The following ABCA12 variants were observed in gnomAD, a reference collection of about 807,000 sequenced individuals.
The protein encoded by ABCA12 is ATP binding cassette subfamily A member 12.
Under a neutral mutation model 293.5 loss-of-function variants are expected in ABCA12, and 156 were observed. The ratio of observed to expected loss-of-function variants is 0.53; its 90% CI spans 0.47 to 0.61. The LOEUF (loss-of-function observed/expected upper bound fraction) is 0.61, where lower values mean the gene tolerates loss of function less well. Among genes scored for constraint, ABCA12 ranks in the 20% least tolerant of loss-of-function variants. The probability of loss-of-function intolerance (pLI) is 0.00; values close to 1 mark genes in which losing one functional copy is unlikely to be tolerated. For synonymous variants in ABCA12, 1,063 were observed against 1,108.0 expected (o/e 0.96, Z 0.81); for missense variants, 2,797 against 3,090.2 (o/e 0.91, Z 2.25).
intron 2 of ABCA12, among the ~76,000 whole-genome samples, chr2:215,082,019 T>C (rs1442789711): frequency 6.6e-6 from 1 of 151,218 alleles, no homozygotes; most frequent in Non-Finnish European, 1.5e-5. Context: ...TGCAGTTACA[T>C]ATTATTTACT....
intron 2 of ABCA12, among the ~76,000 whole-genome samples, chr2:215,090,023 C>T (rs946385852): frequency 5.3e-5 from 8 of 152,074 alleles, no homozygotes; most frequent in Admixed American, 3.3e-4. Flanking sequence ...TGAAAATGGC[C>T]GGTTCCTGCC....
chr2:215,092,688 A>G (rs1477520550), intron 2 of ABCA12, among the ~76,000 whole-genome samples: 2 of 152,180 alleles, frequency 1.3e-5, no homozygotes, highest in Non-Finnish European at 2.9e-5. Context: ...CTACCTGTCC[A>G]AAAACTGGAC....
intron 23 of ABCA12, among the ~76,000 whole-genome samples, chr2:214,994,703 AT>A (rs982764696): frequency 6.6e-6 from 1 of 152,198 alleles, no homozygotes; most frequent in Non-Finnish European, 1.5e-5. Context: ...TACTGGAAAC[AT>A]TTCAAATTCC....
At chr2:215,008,177 A>G (rs775971206) in intron 18 of ABCA12, among the ~76,000 whole-genome samples, 1 of 152,190 alleles carries the variant, frequency 6.6e-6, no homozygotes, top group Non-Finnish European at 1.5e-5. Flanking sequence ...TTAAAGAAAC[A>G]TCCTAGTTCG....
chr2:214,967,092 G>T lies in ABCA12; in HGVS notation c.5779-139C>A. 7.6e-6 allele frequency: 6 copies of T among 792,098 alleles called. No homozygotes were observed. The South Asian group carries it at 7.8e-5, about 10-fold the overall frequency. 49.1% of individuals were successfully genotyped at this position (792,098 alleles called of 1,614,324 possible). A position where few individuals can be genotyped will look rare whatever the true frequency, so the allele number is the denominator to read the frequency against. On this transcript the variant is annotated intron_variant, in intron 38 of 52. Coordinates refer to ENST00000272895, the MANE Select transcript of ABCA12 (RefSeq NM_173076.3). ...AATTTATTTTATCTTGGAAGATTAT[G>T]CACTGTTCTCTAGAGTACTGACCAT...
chr2:215,021,469 A>G (rs1241735224), intron 11 of ABCA12, among the ~76,000 whole-genome samples: 2 of 152,188 alleles, frequency 1.3e-5, no homozygotes, highest in African/African-American at 2.4e-5. Flanking sequence ...ACTGTGTTCT[A>G]TGTGTTCTGA....
Position 215,018,017 on chromosome 2 carries a change from A to G in ABCA12, c.1773T>C (p.Asn591=), listed in dbSNP as rs1395284340. The G allele has an allele frequency of 1.9e-6, 3 of 1,614,128 alleles. No individual in the cohort carries two copies. The highest frequency in any genetic ancestry group is 2.2e-5 in the South Asian group (2 of 91,084). Residue 591 remains asparagine, a synonymous_variant, in exon 14 of 53, where the codon AAT becomes AAC. Coordinates refer to ENST00000272895, the MANE Select transcript of ABCA12 (RefSeq NM_173076.3). ...DKLLAIPIPD[N]RAEIISQVFW... ...ACACATGACACCCCACCTCAGCTCT[A>G]TTATCAGGGATGGGAATGGCCAGCA...
intron 4 of ABCA12, among the ~76,000 whole-genome samples, chr2:215,054,065 C>T (rs1433037256): frequency 1.3e-5 from 2 of 152,036 alleles, no homozygotes; most frequent in Admixed American, 6.6e-5. Context: ...GACTGTGATA[C>T]TAAGCCTTAA....
At chr2:214,979,125 G>A in intron 31 of ABCA12, 85 bp from the exon 32 acceptor site, 1 of 1,181,394 alleles carries the variant, frequency 8.5e-7, no homozygotes, top group Non-Finnish European at 1.3e-6. Flanking sequence ...GAGGTGATGA[G>A]CTCTTTTAGG....
At chr2:215,127,099 T>C (rs181125829) in intron 1 of ABCA12, among the ~76,000 whole-genome samples, 2 of 152,322 alleles carry the variant, frequency 1.3e-5, no homozygotes, top group East Asian at 3.9e-4. Context: ...GTTTGCATGG[T>C]TGTGAAGGCT....
In ABCA12 at chr2:214,974,868, C is replaced by G. The variant is rs776864319; in HGVS notation, c.5382-4G>C. 1 of 1,612,746 alleles carries G rather than the reference C, an allele frequency of 6.2e-7. No homozygotes were observed. Among genetic ancestry groups the G allele is most frequent in the South Asian group, 1.1e-5 (1 of 91,044 alleles). On this transcript the variant is annotated splice_polypyrimidine_tract_variant and splice_region_variant and intron_variant, in intron 34 of 52. Transcript: ENST00000272895. ...TTCCGTGCTCGGGTGATAATTACTG[C>G]AATATGAAAGGACAGAAACAAATTC...
chr2:214,981,956 TA>T (rs1559128638), intron 30 of ABCA12, among the ~76,000 whole-genome samples: 3,072 of 132,566 alleles, frequency 0.023, 121 homozygotes, highest in Admixed American at 0.05. Context: ...TTATTATTAT[TA>T]TTATTATTAT....
At chr2:214,970,132 T>C (rs1347238361) in intron 37 of ABCA12, 141 bp downstream of exon 37, 3 of 770,380 alleles carry the variant, frequency 3.9e-6, no homozygotes, top group African/African-American at 3.6e-5. Flanking sequence ...TACATTTCAA[T>C]ATATAAGGCT....
Position 215,015,613 on chromosome 2 carries a change from A to C in ABCA12, c.1833T>G (p.Thr611=). 6.2e-7 allele frequency: 1 copy of C among 1,614,038 alleles called. No homozygotes were observed. Among genetic ancestry groups the C allele is most frequent in the Non-Finnish European group, 8.5e-7 (1 of 1,179,930 alleles). Residue 611 remains threonine (T), a synonymous_variant, in exon 15 of 53, where the codon ACT becomes ACG. Transcript: ENST00000272895. Reference sequence around the variant, plus strand: ...CTTTCATTGCATCTTCTAGTTTGGGAGTGGTGATATTAGTATCACAGGAAT... The same window carrying C: ...CTTTCATTGCATCTTCTAGTTTGGGCGTGGTGATATTAGTATCACAGGAAT... ...WLHSCDTNIT[T]PKLEDAMKEF... is the part of the protein sequence containing the mutation.
intron 30 of ABCA12, among the ~76,000 whole-genome samples, chr2:214,981,942 T>TTTTTTATTA (rs375532243): frequency 6.2e-5 from 8 of 128,628 alleles, no homozygotes; most frequent in East Asian, 2.1e-4. Context: ...GTCAGCTGTT[T>TTTTTTATTA]TTATTATTAT....
intron 33 of ABCA12, 128 bp from the exon 34 acceptor site, chr2:214,976,165 G>T: frequency 7.6e-7 from 1 of 1,317,716 alleles, no homozygotes; most frequent in Non-Finnish European, 1.1e-6. Flanking sequence ...TTGGATTTGA[G>T]GTTCAGCAAT....
chr2:214,939,617 G>C (rs1254087671), intron 50 of ABCA12, among the ~76,000 whole-genome samples: 2 of 152,086 alleles, frequency 1.3e-5, no homozygotes, highest in Admixed American at 6.6e-5. Flanking sequence ...TTTTCCATTT[G>C]TTTGTGTCCT....
At chr2:215,035,956 C>T (rs964091897) in intron 8 of ABCA12, 2 of 151,936 alleles carry the variant, frequency 1.3e-5, no homozygotes, top group East Asian at 1.9e-4. Context: ...AGTTCTTAAG[C>T]CTTTAAAATG....
intron 1 of ABCA12, among the ~76,000 whole-genome samples, chr2:215,132,338 T>G (rs142707754): frequency 6.6e-6 from 1 of 152,196 alleles, no homozygotes; most frequent in Non-Finnish European, 1.5e-5. Context: ...AGTGGGGTGT[T>G]GAAGTCCACC....
Sources: allele counts gnomAD v4.1 joint callset (sites outside exome capture counted in the v4.1 genomes callset), GRCh38; gene constraint gnomAD v4.1.1; transcripts MANE v1.5; gene names NCBI Gene and HGNC (gene_info 2026-07-23, HGNC 2026-07-21).